PPM1L: variants seen among roughly 807,000 people sequenced by gnomAD.
PPM1L encodes the protein protein phosphatase 1L.
In PPM1L, 13 loss-of-function variants were observed where a neutral mutation model predicts 31.4. The observed-to-expected ratio is 0.41, with a 90% CI of 0.27 to 0.66. PPM1L has a LOEUF of 0.66. PPM1L is among the 30% of genes least tolerant of loss of function. PPM1L has a pLI of 0.29. For missense variants in PPM1L, 326 were observed against 453.7 expected (o/e 0.72, Z 2.56); for synonymous variants, 184 against 175.4 (o/e 1.05, Z -0.39).
At chr3:160,991,568 A>C (rs1279416669) in intron 2 of PPM1L, among the ~76,000 whole-genome samples, 1 of 152,152 alleles carries the variant, frequency 6.6e-6, no homozygotes, top group African/African-American at 2.4e-5. Context: ...TACTTGATGA[A>C]ATTTTTTTAA....
intron 1 of PPM1L, among the ~76,000 whole-genome samples, chr3:160,902,630 C>T (rs984026406): frequency 6.6e-6 from 1 of 152,108 alleles, no homozygotes; most frequent in East Asian, 1.9e-4. Context: ...TTGTTATTGT[C>T]AAAACAAGGC....
At chr3:160,771,449 C>T (rs1715253507) in intron 1 of PPM1L, among the ~76,000 whole-genome samples, 1 of 150,632 alleles carries the variant, frequency 6.6e-6, no homozygotes, top group African/African-American at 2.4e-5. Flanking sequence ...CACCATGTTG[C>T]CTAGGCTGGT....
intron 2 of PPM1L, among the ~76,000 whole-genome samples, chr3:161,061,453 C>T (rs116383925): frequency 0.012 from 1,796 of 152,156 alleles, 24 homozygotes; most frequent in Middle Eastern, 0.02. Context: ...GTGACAAAGG[C>T]GGGTCATCGA....
At chr3:160,935,151 G>T (rs1348807759) in intron 1 of PPM1L, among the ~76,000 whole-genome samples, 2 of 152,164 alleles carry the variant, frequency 1.3e-5, no homozygotes, top group East Asian at 3.9e-4. Flanking sequence ...TGGCTGAGCT[G>T]CTTGGGACCA....
chr3:160,966,374 T>G (rs1206275181), intron 2 of PPM1L, among the ~76,000 whole-genome samples: 4 of 152,132 alleles, frequency 2.6e-5, no homozygotes, highest in Non-Finnish European at 5.9e-5. Flanking sequence ...TTTGGTATAT[T>G]TTCCTCACTC....
intron 2 of PPM1L, among the ~76,000 whole-genome samples, chr3:160,988,923 T>G (rs1389606264): frequency 6.6e-6 from 1 of 152,190 alleles, no homozygotes; most frequent in East Asian, 1.9e-4. Context: ...TTAAAGGCTT[T>G]AACACCCTAG....
intron 1 of PPM1L, among the ~76,000 whole-genome samples, chr3:160,949,705 C>A (rs1000716040): frequency 1.3e-5 from 2 of 152,150 alleles, no homozygotes; most frequent in Non-Finnish European, 2.9e-5. Context: ...AGCTTCTGTC[C>A]TACCTGCTAG....
At chr3:160,902,494 A>G (rs1027580082) in intron 1 of PPM1L, among the ~76,000 whole-genome samples, 2 of 152,304 alleles carry the variant, frequency 1.3e-5, no homozygotes, top group Admixed American at 1.3e-4. Flanking sequence ...TGTTATCAAG[A>G]TAACATTTTT....
At chr3:160,798,896 G>T (rs1272396804) in intron 1 of PPM1L, among the ~76,000 whole-genome samples, 2 of 152,198 alleles carry the variant, frequency 1.3e-5, no homozygotes. Flanking sequence ...AGGAACATTT[G>T]TGATTCATGG....
At position 161,078,630 on chromosome 3, in the gene PPM1L, G is replaced by A. The variant is rs1720184279; in HGVS notation, c.*9473G>A. ...TTATTATACCTACTGATCTGTATTT[G>A]TCTCTAAGAGACATTTGAAACACAG... On this transcript the variant is annotated 3_prime_UTR_variant, in exon 4 of 4. Transcript: ENST00000498165. 6.6e-6 allele frequency: 1 copy of A among 152,150 alleles called. No homozygotes were observed. Among genetic ancestry groups the A allele is most frequent in the African/African-American group, 2.4e-5 (1 of 41,428 alleles). 9.4% of individuals were successfully genotyped at this position (152,150 alleles called of 1,614,324 possible). A position where few individuals can be genotyped will look rare whatever the true frequency, so the allele number is the denominator to read the frequency against.
chr3:160,981,020 A>G (rs1267631864), intron 2 of PPM1L, among the ~76,000 whole-genome samples: 1 of 152,188 alleles, frequency 6.6e-6, no homozygotes, highest in Non-Finnish European at 1.5e-5. Context: ...CTTCCTGTCC[A>G]GAGCATGACA....
rs1031397148 is a variant in PPM1L, at chr3:161,070,990, T to C, written c.*1833T>C. ...CATTACAGAACCTTGGTTATTGTTT[T>C]TTAGCCATAGAATCTTCTAGTAAAA... On this transcript the variant is annotated 3_prime_UTR_variant, in exon 4 of 4. Coordinates refer to ENST00000498165, the MANE Select transcript of PPM1L (RefSeq NM_139245.4). 6.6e-6 allele frequency: 1 copy of C among 152,260 alleles called. No individual in the cohort carries two copies. The highest frequency in any genetic ancestry group is 6.5e-5 in the Admixed American group (1 of 15,286). The allele number at this position is 152,260 out of a possible 1,614,324, so 9.4% of individuals were successfully genotyped here.
At chr3:161,047,719 G>A (rs1278982191) in intron 2 of PPM1L, among the ~76,000 whole-genome samples, 2 of 152,184 alleles carry the variant, frequency 1.3e-5, no homozygotes. Flanking sequence ...AAACAGCCTG[G>A]TATTGATACC....
At chr3:161,031,356 C>G (rs1213567615) in intron 2 of PPM1L, among the ~76,000 whole-genome samples, 1 of 152,182 alleles carries the variant, frequency 6.6e-6, no homozygotes. Context: ...ATTGCTGAAA[C>G]CAAAAGAGGT....
In PPM1L at chr3:161,071,662, AAT is replaced by A. The variant is rs559670311; in HGVS notation, c.*2507_*2508del. Reference sequence around the variant, plus strand: ...TAGGCAAAACTGTAGCAGTTTCATTAATAGTTGTTAGGATAGTTATATCTAAA... The same window carrying A: ...TAGGCAAAACTGTAGCAGTTTCATTAAGTTGTTAGGATAGTTATATCTAAA... On this transcript the variant is annotated 3_prime_UTR_variant, in exon 4 of 4. Coordinates refer to ENST00000498165, the MANE Select transcript of PPM1L (RefSeq NM_139245.4). The A allele has an allele frequency of 6.6e-6, 1 of 152,292 alleles. No homozygotes were observed. Among genetic ancestry groups the A allele is most frequent in the South Asian group, 2.1e-4 (1 of 4,820 alleles). 9.4% of individuals were successfully genotyped at this position (152,292 alleles called of 1,614,324 possible). A position where few individuals can be genotyped will look rare whatever the true frequency, so the allele number is the denominator to read the frequency against.
intron 2 of PPM1L, among the ~76,000 whole-genome samples, chr3:161,054,612 C>T (rs1719363959): frequency 6.6e-6 from 1 of 152,090 alleles, no homozygotes; most frequent in South Asian, 2.1e-4. Context: ...CAATGGCCTG[C>T]CCTGATGTTG....
At chr3:160,858,533 C>T (rs1405404422) in intron 1 of PPM1L, among the ~76,000 whole-genome samples, 1 of 152,194 alleles carries the variant, frequency 6.6e-6, no homozygotes, top group Non-Finnish European at 1.5e-5. Flanking sequence ...ACTTCAAGTG[C>T]AGTGAATCAC....
rs192648438 is a variant in PPM1L, at chr3:160,818,591, C to G, written c.399+61884C>G. Among the ~76,000 whole-genome samples the G allele has an allele frequency of 3.2e-3, 484 of 152,108 alleles. 1 individual carries two copies. The highest frequency in any genetic ancestry group is 6.8e-3 in the Middle Eastern group (2 of 294). On this transcript the variant is annotated intron_variant, in intron 1 of 3. Transcript: ENST00000498165. ...CTCACAGAAAAAAGTAGCAGTTGTG[C>G]TATTAAAAATCTGATTCCACTTGAT...
chr3:161,009,875 G>A (rs1310676253), intron 2 of PPM1L, among the ~76,000 whole-genome samples: 3 of 152,042 alleles, frequency 2.0e-5, no homozygotes, highest in Non-Finnish European at 4.4e-5. Context: ...AGGAAGCAAT[G>A]CTTACTGTGA....
Sources: allele counts gnomAD v4.1 joint callset (sites outside exome capture counted in the v4.1 genomes callset), GRCh38; gene constraint gnomAD v4.1.1; transcripts MANE v1.5; gene names NCBI Gene and HGNC (gene_info 2026-07-23, HGNC 2026-07-21).